Variants in FNDC1 observed in about 807,000 individuals in gnomAD.
FNDC1 encodes fibronectin type III domain-containing protein 1.
Under a neutral mutation model 168.0 loss-of-function variants are expected in FNDC1, and 96 were observed. The observed-to-expected ratio is 0.57, with a 90% CI of 0.48 to 0.68. The LOEUF (loss-of-function observed/expected upper bound fraction) is 0.68. Ranked by LOEUF, FNDC1 falls within the 30% of genes least tolerant of loss-of-function variation. The pLI is 0.00. For synonymous variants in FNDC1, 1,099 were observed against 1,025.9 expected (o/e 1.07, Z -1.36); for missense variants, 2,587 against 2,482.1 (o/e 1.04, Z -0.90).
chr6:159,187,534 G>GT (rs1050139348), intron 1 of FNDC1, among the ~76,000 whole-genome samples: 40 of 152,290 alleles, frequency 2.6e-4, no homozygotes, highest in African/African-American at 8.9e-4. Context: ...ATTGAGAAAT[G>GT]TCAGAAGGGG....
chr6:159,232,567 C>T lies in FNDC1; in HGVS notation c.2055C>T (p.Ser685=), dbSNP rs1562299787. 6.2e-7 allele frequency: 1 copy of T among 1,611,116 alleles called. No homozygotes were observed. Among genetic ancestry groups the T allele is most frequent in the Admixed American group, 1.7e-5 (1 of 59,800 alleles). The change falls in exon 11 of 23, where the codon AGC becomes AGT. Residue 685 remains serine, a synonymous_variant. Transcript: ENST00000297267. The surrounding 1 kb of genome is among the most constrained non-coding windows in gnomAD (Gnocchi z 4.9). ...CGTCCAGCGTTCTCCGCGACAGAAG[C>T]TCTGTGCACCCCGGCGCAAAGCCAG... ...QSPSSVLRDR[S]SVHPGAKPAS... is the part of the protein sequence containing the mutation.
chr6:159,210,079 G>A (rs1467857769), intron 4 of FNDC1, among the ~76,000 whole-genome samples: 1 of 152,204 alleles, frequency 6.6e-6, no homozygotes, highest in Non-Finnish European at 1.5e-5. Flanking sequence ...CGGGTCCTTG[G>A]GAACTGTGCC....
intron 2 of FNDC1, among the ~76,000 whole-genome samples, chr6:159,197,835 G>A (rs1425608234): frequency 2.0e-5 from 3 of 152,242 alleles, no homozygotes; most frequent in African/African-American, 7.2e-5. Context: ...ATCCGTGCAT[G>A]TGAACTCAAG....
chr6:159,182,853 G>A (rs1259450409), intron 1 of FNDC1, among the ~76,000 whole-genome samples: 2 of 152,214 alleles, frequency 1.3e-5, no homozygotes, highest in Non-Finnish European at 2.9e-5. Flanking sequence ...GATGGAAGAG[G>A]AGAAGCTGAA....
intron 14 of FNDC1, among the ~76,000 whole-genome samples, chr6:159,243,747 A>C (rs546919950): frequency 1.1e-3 from 167 of 152,254 alleles, no homozygotes; most frequent in Admixed American, 2.2e-3. Context: ...TTTAATTGTA[A>C]ATATATTTCA....
Position 159,229,828 on chromosome 6 carries a change from A to G in FNDC1, c.1194A>G (p.Ser398=). 6.2e-7 allele frequency: 1 copy of G among 1,611,652 alleles called. No homozygotes were observed. The highest frequency in any genetic ancestry group is 8.5e-7 in the Non-Finnish European group (1 of 1,178,786). Residue 398 remains serine (S), a synonymous_variant, in exon 10 of 23, where the codon TCA becomes TCG. Coordinates refer to ENST00000297267, the MANE Select transcript of FNDC1 (RefSeq NM_032532.3). ...AAATCATTTCAGAATACATTCTTTC[A>G]TACGCCCCGGCTCTCAAACCATTTG... is the stretch of plus-strand genomic sequence containing the variant. ...TEGKVKEYIL[S]YAPALKPFGA...
intron 22 of FNDC1, among the ~76,000 whole-genome samples, chr6:159,269,156 C>CTATG (rs376690309): frequency 0.19 from 26,274 of 141,948 alleles, 2,917 homozygotes; most frequent in East Asian, 0.33. Flanking sequence ...ATCCATCTGT[C>CTATG]TATGTATGTA....
In FNDC1 at chr6:159,169,771, C is replaced by T. The variant is rs1457833070; in HGVS notation, c.109+66C>T. The T allele has an allele frequency of 6.6e-6, 4 of 602,548 alleles. No individual in the cohort carries two copies. In the East Asian group the frequency reaches 1.6e-4, roughly 25 times the overall value. The allele number at this position is 602,548 out of a possible 1,614,324, so 37.3% of individuals were successfully genotyped here. On this transcript the variant is annotated intron_variant, in intron 1 of 22. Transcript: ENST00000297267. The surrounding 1 kb of genome is among the most constrained non-coding windows in gnomAD (Gnocchi z 6.8). Reference sequence around the variant, plus strand: ...CGCGCACCCTCCTGCGCTCGGGCCCCGTCGTCCCGCTCAGTGCTGGCTACG... The same window carrying T: ...CGCGCACCCTCCTGCGCTCGGGCCCTGTCGTCCCGCTCAGTGCTGGCTACG...
chr6:159,185,354 G>A (rs1250948634), intron 1 of FNDC1, among the ~76,000 whole-genome samples: 1 of 152,126 alleles, frequency 6.6e-6, no homozygotes, highest in Non-Finnish European at 1.5e-5. Context: ...AACCAAAGCA[G>A]CTCTCATTTA....
At position 159,251,456 on chromosome 6, in the gene FNDC1, C is replaced by A; in HGVS notation, c.4989C>A (p.Thr1663=). The change falls in exon 17 of 23, where the codon ACC becomes ACA. Residue 1663 remains threonine (T), a synonymous_variant. Coordinates refer to ENST00000297267, the MANE Select transcript of FNDC1 (RefSeq NM_032532.3). ...CCCAGCATGCTCCCCGCAACATCAC[C>A]GTGGTGGCCGTGGAAGGTTGCCACT... ...LPPQHAPRNI[T]VVAVEGCHSF... is the part of the protein sequence containing the mutation. 5 of 1,613,948 alleles carry A rather than the reference C, an allele frequency of 3.1e-6. No individual in the cohort carries two copies.
At chr6:159,225,291 C>T (rs378194) in intron 7 of FNDC1, among the ~76,000 whole-genome samples, 57,967 of 151,504 alleles carry the variant, frequency 0.38, 14,155 homozygotes, top group East Asian at 0.73. Flanking sequence ...TCTCTGCTTG[C>T]TCTTTTGAAT....
chr6:159,229,000 T>C (rs910707446), intron 9 of FNDC1, among the ~76,000 whole-genome samples: 1 of 152,246 alleles, frequency 6.6e-6, no homozygotes, highest in South Asian at 2.1e-4. Context: ...TTTGATGTTT[T>C]GTAAATCTTG....
intron 5 of FNDC1, 109 bp downstream of exon 5, chr6:159,215,260 T>G (rs892512128): frequency 1.1e-6 from 1 of 917,362 alleles, no homozygotes. Context: ...TAATGTCCAC[T>G]TGCCAGATGT....
intron 4 of FNDC1, among the ~76,000 whole-genome samples, chr6:159,213,776 T>A (rs959559449): frequency 8.5e-5 from 13 of 152,196 alleles, no homozygotes; most frequent in Non-Finnish European, 1.8e-4. Flanking sequence ...ACCATGGTGT[T>A]CTCTTAGTAG....
At chr6:159,238,786 T>A (rs886078895) in intron 13 of FNDC1, 121 bp downstream of exon 13, 6 of 680,472 alleles carry the variant, frequency 8.8e-6, no homozygotes, top group Non-Finnish European at 1.4e-5. Flanking sequence ...CTTTTACCCA[T>A]GTGAGAAGAA....
chr6:159,244,730 G>A lies in FNDC1; in HGVS notation c.4622-2171G>A, dbSNP rs373895928. Among the ~76,000 whole-genome samples the A allele has an allele frequency of 4.2e-4, 64 of 152,210 alleles. 2 individuals carry two copies. The South Asian group carries it at 0.013, about 31-fold the overall frequency. On this transcript the variant is annotated intron_variant, in intron 14 of 22. Transcript: ENST00000297267. ...GTTAGTTCAACTTTTAAGAAGTGGG[G>A]GCAGTTTTATGTAGTATAAAGTAAG...
At chr6:159,259,516 C>G (rs2115024632) in intron 18 of FNDC1, among the ~76,000 whole-genome samples, 1 of 152,316 alleles carries the variant, frequency 6.6e-6, no homozygotes. Flanking sequence ...AGGCACTTCC[C>G]TCCTTGACGT....
chr6:159,266,321 G>T, intron 21 of FNDC1, 76 bp downstream of exon 21: 2 of 1,490,554 alleles, frequency 1.3e-6, no homozygotes, highest in South Asian at 1.2e-5. Flanking sequence ...GGCACCACAG[G>T]TGCATCGGAA....
At position 159,244,363 on chromosome 6, in the gene FNDC1, G is replaced by A. The variant is rs191203378; in HGVS notation, c.4622-2538G>A. Among the ~76,000 whole-genome samples, 221 of 152,266 alleles carry A rather than the reference G, an allele frequency of 1.5e-3. No individual in the cohort carries two copies. In the Middle Eastern group the frequency reaches 0.02, roughly 14 times the overall value. The stretch of plus-strand genomic sequence containing the variant: ...TGAAATGGCCATTCCACCCCTAAAC[G>A]GATGGATAATTTACAACTTCTCTCT... On this transcript the variant is annotated intron_variant, in intron 14 of 22. Transcript: ENST00000297267.
Sources: allele counts gnomAD v4.1 joint callset (sites outside exome capture counted in the v4.1 genomes callset), GRCh38; gene constraint gnomAD v4.1.1; non-coding constraint Gnocchi (gnomAD v3.1); transcripts MANE v1.5; gene names NCBI Gene and HGNC (gene_info 2026-07-23, HGNC 2026-07-21).